The following LTV1 variants were observed in gnomAD, a reference collection of about 807,000 sequenced individuals.
LTV1 encodes LTV1 ribosome biogenesis factor, also known as protein LTV1 homolog.
LTV1 carries 39 observed loss-of-function variants against 59.9 expected under a neutral mutation model. That is an observed-to-expected ratio of 0.65 (90% CI 0.50 to 0.85). The LOEUF is 0.85. Among genes scored for constraint, LTV1 ranks in the 40% least tolerant of loss-of-function variants. The pLI is 0.00. For missense variants in LTV1, 493 were observed against 549.1 expected (o/e 0.90, Z 1.02); for synonymous variants, 171 against 189.5 (o/e 0.90, Z 0.80).
intron 4 of LTV1, among the ~76,000 whole-genome samples, chr6:143,852,749 G>A (rs909335467): frequency 2.6e-5 from 4 of 152,150 alleles, no homozygotes; most frequent in African/African-American, 9.7e-5. Context: ...TTTTGTATAA[G>A]GTGTAAAGAA....
chr6:143,857,583 T>C lies in LTV1; in HGVS notation c.539+139T>C. On this transcript the variant is annotated intron_variant, in intron 5 of 10. Coordinates refer to ENST00000367576, the MANE Select transcript of LTV1 (RefSeq NM_032860.5). The surrounding 1 kb of genome is among the most constrained non-coding windows in gnomAD (Gnocchi z 5.2). ...GACTTCTGTATTTTAGAGCAGAAAA[T>C]GTGAGATTCATTGCTTTTCCTACCA... 2 of 1,097,130 alleles carry C rather than the reference T, an allele frequency of 1.8e-6. No homozygotes were observed. Among genetic ancestry groups the C allele is most frequent in the South Asian group, 1.5e-5 (1 of 66,768 alleles). 68.0% of individuals were successfully genotyped at this position (1,097,130 alleles called of 1,614,324 possible). A position where few individuals can be genotyped will look rare whatever the true frequency, so the allele number is the denominator to read the frequency against.
chr6:143,843,785 C>T (rs940298965), intron 1 of LTV1, among the ~76,000 whole-genome samples: 4 of 152,200 alleles, frequency 2.6e-5, no homozygotes, highest in Admixed American at 2.6e-4. Context: ...GACACAAACG[C>T]GCAACCCTGT....
intron 3 of LTV1, among the ~76,000 whole-genome samples, chr6:143,848,932 C>T (rs1209229503): frequency 6.6e-6 from 1 of 152,170 alleles, no homozygotes; most frequent in East Asian, 1.9e-4. Context: ...TGCATTATTA[C>T]ATGACTGAGG....
Position 143,851,364 on chromosome 6 carries a change from G to A in LTV1, c.397+1146G>A, listed in dbSNP as rs548581784. Among the ~76,000 whole-genome samples the A allele has an allele frequency of 5.8e-4, 88 of 152,240 alleles. 1 individual carries two copies. In the Middle Eastern group the frequency reaches 0.024, roughly 41 times the overall value. On this transcript the variant is annotated intron_variant, in intron 4 of 10. Coordinates refer to ENST00000367576, the MANE Select transcript of LTV1 (RefSeq NM_032860.5). ...AGAACATATCTGAAGAAACAGGTAG[G>A]TATTTATTAAAATCGCAAAGTCAGA...
chr6:143,860,576 G>A (rs765396685), intron 7 of LTV1, 23 bp downstream of exon 7: 2 of 1,568,238 alleles, frequency 1.3e-6, no homozygotes, highest in Non-Finnish European at 1.7e-6. Flanking sequence ...TTCCTTCCTT[G>A]TTTAGCTGTT....
chr6:143,862,950 T>A lies in LTV1; in HGVS notation c.1116+54T>A, dbSNP rs1325062460. ...AGGATGCAGTGCATAAAAAATAGAG[T>A]GCACATTTTCGCACAATAACTTTTT... On this transcript the variant is annotated intron_variant, in intron 9 of 10. Transcript: ENST00000367576. The surrounding 1 kb of genome is among the most constrained non-coding windows in gnomAD (Gnocchi z 4.2). 1 of 1,481,298 alleles carries A rather than the reference T, an allele frequency of 6.8e-7. No homozygotes were observed. Among genetic ancestry groups the A allele is most frequent in the African/African-American group, 1.4e-5 (1 of 71,946 alleles). 91.8% of individuals were successfully genotyped at this position (1,481,298 alleles called of 1,614,324 possible).
chr6:143,858,815 T>G (rs1307806620), intron 6 of LTV1: 2 of 152,198 alleles, frequency 1.3e-5, no homozygotes, highest in African/African-American at 2.4e-5. Context: ...CTTTTTTTAT[T>G]TTTTAAAAAG....
At position 143,860,494 on chromosome 6, in the gene LTV1, A is replaced by G. The variant is rs1402309060; in HGVS notation, c.864A>G (p.Gln288=). ...ATGCAGAATTGGAAGGTTCTATTCA[A>G]GTGGACAGCAATCGCTTACAGGAAG... The part of the protein sequence containing the change: ...LDNAELEGSI[Q]VDSNRLQEVL... The change falls in exon 7 of 11, where the codon CAA becomes CAG. Residue 288 remains glutamine (Q), a synonymous_variant. Transcript: ENST00000367576. 2 of 1,613,640 alleles carry G rather than the reference A, an allele frequency of 1.2e-6. No individual in the cohort carries two copies. Among genetic ancestry groups the G allele is most frequent in the East Asian group, 2.2e-5 (1 of 44,796 alleles).
Position 143,862,019 on chromosome 6 carries a change from T to C in LTV1, c.924-85T>C, listed in dbSNP as rs1017933582. On this transcript the variant is annotated intron_variant, in intron 7 of 10. Coordinates refer to ENST00000367576, the MANE Select transcript of LTV1 (RefSeq NM_032860.5). This position sits in a 1 kb window ranked among gnomAD's most constrained non-coding sequence, Gnocchi z 4.2. ...TTTAAAACATTGGTTTTTCCACAGC[T>C]AAAAATTGCAGTTTTAGTGACATAG... is the stretch of plus-strand genomic sequence containing the variant. 3 of 1,358,004 alleles carry C rather than the reference T, an allele frequency of 2.2e-6. No individual in the cohort carries two copies. The highest frequency in any genetic ancestry group is 2.2e-5 in the Admixed American group (1 of 45,954). The allele number at this position is 1,358,004 out of a possible 1,614,324, so 84.1% of individuals were successfully genotyped here.
At chr6:143,846,740 A>G (rs1776897992) in intron 3 of LTV1, among the ~76,000 whole-genome samples, 1 of 152,242 alleles carries the variant, frequency 6.6e-6, no homozygotes. Flanking sequence ...ACGTGTTTAT[A>G]AGAAATTAGT....
Position 143,862,186 on chromosome 6 carries a change from A to G in LTV1, c.1006A>G (p.Met336Val). 3.1e-6 allele frequency: 5 copies of G among 1,613,962 alleles called. No individual in the cohort carries two copies. Among genetic ancestry groups the G allele is most frequent in the Non-Finnish European group, 4.2e-6 (5 of 1,179,822 alleles). The change falls in exon 8 of 11, where the codon ATG becomes GTG. Residue 336 changes from methionine (M) to valine (V), a missense_variant. Coordinates refer to ENST00000367576, the MANE Select transcript of LTV1 (RefSeq NM_032860.5). This position sits in a 1 kb window ranked among gnomAD's most constrained non-coding sequence, Gnocchi z 4.2. Reference sequence around the variant, plus strand: ...GCTTGATGAGTCTGAGGAGGAAGAAATGATTACTGTAGTCCTTGAAGAAGC... The same window carrying G: ...GCTTGATGAGTCTGAGGAGGAAGAAGTGATTACTGTAGTCCTTGAAGAAGC... ...NELDESEEEE[M>V]ITVVLEEAKE...
chr6:143,857,484 G>A lies in LTV1; in HGVS notation c.539+40G>A. ...TTTCAAAGCAGAGATGATGACCTAA[G>A]TGTTACTGCTTCAGTGGGATGGTAA... is the stretch of plus-strand genomic sequence containing the variant. On this transcript the variant is annotated intron_variant, in intron 5 of 10. Transcript: ENST00000367576. This position sits in a 1 kb window ranked among gnomAD's most constrained non-coding sequence, Gnocchi z 5.2. The A allele has an allele frequency of 1.3e-6, 2 of 1,541,938 alleles. No individual in the cohort carries two copies. The highest frequency in any genetic ancestry group is 1.1e-5 in the South Asian group (1 of 88,834).
At position 143,855,696 on chromosome 6, in the gene LTV1, T is replaced by G. The variant is rs971893834; in HGVS notation, c.398-1607T>G. Among the ~76,000 whole-genome samples, 2 of 152,174 alleles carry G rather than the reference T, an allele frequency of 1.3e-5. No homozygotes were observed. Among genetic ancestry groups the G allele is most frequent in the African/African-American group, 4.8e-5 (2 of 41,430 alleles). On this transcript the variant is annotated intron_variant, in intron 4 of 10. Transcript: ENST00000367576. This position sits in a 1 kb window ranked among gnomAD's most constrained non-coding sequence, Gnocchi z 4.6. ...GGAAAGGATTTTATTTCTCCTTCAC[T>G]TACAAAACTTAATTTGGCTGGATAT...
Position 143,855,156 on chromosome 6 carries a change from G to T in LTV1, c.398-2147G>T, listed in dbSNP as rs1777053578. On this transcript the variant is annotated intron_variant, in intron 4 of 10. Transcript: ENST00000367576. This position sits in a 1 kb window ranked among gnomAD's most constrained non-coding sequence, Gnocchi z 4.6. ...TGTATTAGGTGCATATATATTTAGG[G>T]TAGTTAGCTCTTCTTGTTGCATTGT... Among the ~76,000 whole-genome samples the T allele has an allele frequency of 6.6e-6, 1 of 152,116 alleles. No homozygotes were observed. Among genetic ancestry groups the T allele is most frequent in the East Asian group, 1.9e-4 (1 of 5,180 alleles).
At chr6:143,848,194 T>A (rs1357171026) in intron 3 of LTV1, among the ~76,000 whole-genome samples, 1 of 152,218 alleles carries the variant, frequency 6.6e-6, no homozygotes, top group Non-Finnish European at 1.5e-5. Flanking sequence ...TGACCTTGTG[T>A]TTAACCCCAA....
chr6:143,860,758 G>A (rs1380997658), intron 7 of LTV1, among the ~76,000 whole-genome samples: 1 of 152,098 alleles, frequency 6.6e-6, no homozygotes, highest in African/African-American at 2.4e-5. Flanking sequence ...ATAAACTTGG[G>A]TCATGTATAG....
At position 143,860,547 on chromosome 6, in the gene LTV1, C is replaced by T; in HGVS notation, c.917C>T (p.Ala306Val). The T allele has an allele frequency of 6.2e-7, 1 of 1,609,862 alleles. No homozygotes were observed. The highest frequency in any genetic ancestry group is 8.5e-7 in the Non-Finnish European group (1 of 1,178,528). Reference sequence around the variant, plus strand: ...TTGAATGACTACTATAAAGAGAAGGCAGAGAAGTATAGTGACTTTTCCTTC... The same window carrying T: ...TTGAATGACTACTATAAAGAGAAGGTAGAGAAGTATAGTGACTTTTCCTTC... Reference protein sequence around the residue: ...EVLNDYYKEKAENCVKLNTLE... With the variant: ...EVLNDYYKEKVENCVKLNTLE... The change falls in exon 7 of 11, where the codon GCA becomes GTA. Residue 306 changes from alanine to valine, a missense_variant. By Grantham distance (64) the Ala-to-Val change is moderately conservative (BLOSUM62 0). Coordinates refer to ENST00000367576, the MANE Select transcript of LTV1 (RefSeq NM_032860.5).
In LTV1 at chr6:143,857,175, T is replaced by G. The variant is rs1195276192; in HGVS notation, c.398-128T>G. Reference sequence around the variant, plus strand: ...TTATTCTTCACTAGACTGAACTTAGTTCTTAATCGTTCTTTTATCCTCAAT... The same window carrying G: ...TTATTCTTCACTAGACTGAACTTAGGTCTTAATCGTTCTTTTATCCTCAAT... On this transcript the variant is annotated intron_variant, in intron 4 of 10. Transcript: ENST00000367576. The surrounding 1 kb of genome is among the most constrained non-coding windows in gnomAD (Gnocchi z 5.2). 5 of 1,120,552 alleles carry G rather than the reference T, an allele frequency of 4.5e-6. No individual in the cohort carries two copies. In the Admixed American group the frequency reaches 1.1e-4, roughly 24 times the overall value. 69.4% of individuals were successfully genotyped at this position (1,120,552 alleles called of 1,614,324 possible). A position where few individuals can be genotyped will look rare whatever the true frequency, so the allele number is the denominator to read the frequency against.
rs1389106124 is a variant in LTV1, at chr6:143,863,063, G to T, written c.1117-23G>T. The T allele has an allele frequency of 3.1e-6, 5 of 1,591,824 alleles. No homozygotes were observed. In the East Asian group the frequency reaches 1.1e-4, roughly 36 times the overall value. On this transcript the variant is annotated intron_variant, in intron 9 of 10. Coordinates refer to ENST00000367576, the MANE Select transcript of LTV1 (RefSeq NM_032860.5). This position sits in a 1 kb window ranked among gnomAD's most constrained non-coding sequence, Gnocchi z 4.5. ...TTAATAGGAATGAGAAGTAACTCTA[G>T]TACCATTTTATCTGTATTTCAGCCC... is the stretch of plus-strand genomic sequence containing the variant.
Sources: gnomAD v4.1 joint callset for allele counts (sites outside exome capture counted in the v4.1 genomes callset) on GRCh38, gnomAD v4.1.1 for gene constraint, Gnocchi (gnomAD v3.1) non-coding constraint, MANE v1.5 for transcripts, NCBI Gene and HGNC (gene_info 2026-07-23, HGNC 2026-07-21) for gene names.